The following CNTNAP5 variants were observed in gnomAD, a reference collection of about 807,000 sequenced individuals.
CNTNAP5 encodes contactin associated protein family member 5.
Under a neutral mutation model 150.2 loss-of-function variants are expected in CNTNAP5, and 72 were observed. That is an observed-to-expected ratio of 0.48 (90% CI 0.40 to 0.58). The LOEUF (loss-of-function observed/expected upper bound fraction) is 0.58, where lower values mean the gene tolerates loss of function less well. CNTNAP5 is among the 20% of genes least tolerant of loss of function. The pLI, the probability that CNTNAP5 is intolerant of heterozygous loss-of-function variation, is 0.00. For synonymous variants in CNTNAP5, 672 were observed against 619.8 expected, an observed-to-expected ratio of 1.08 and a Z score of -1.25; for missense variants, 1,636 against 1,626.2, an observed-to-expected ratio of 1.01 and a Z score of -0.10.
At chr2:124,601,281 G>A (rs1317864086) in intron 11 of CNTNAP5, among the ~76,000 whole-genome samples, 4 of 152,146 alleles carry the variant, frequency 2.6e-5, no homozygotes, top group Admixed American at 2.6e-4. Flanking sequence ...CCACAGCCAA[G>A]CATACATCCT....
chr2:124,860,403 C>T (rs2104714265), intron 19 of CNTNAP5, among the ~76,000 whole-genome samples: 1 of 151,252 alleles, frequency 6.6e-6, no homozygotes, highest in Non-Finnish European at 1.5e-5. Context: ...TTCCTCCCTG[C>T]CTCCCTCTCT....
At chr2:124,113,927 A>C (rs977916) in intron 1 of CNTNAP5, among the ~76,000 whole-genome samples, 64,953 of 150,444 alleles carry the variant, frequency 0.43, 14,169 homozygotes, top group East Asian at 0.55. Context: ...CTCTCTCTCT[A>C]TATATATATA....
intron 13 of CNTNAP5, among the ~76,000 whole-genome samples, chr2:124,684,480 C>A (rs988712515): frequency 6.6e-6 from 1 of 152,166 alleles, no homozygotes; most frequent in Non-Finnish European, 1.5e-5. Context: ...TATGGCCATC[C>A]TTTTCTCCCT....
intron 10 of CNTNAP5, among the ~76,000 whole-genome samples, chr2:124,546,364 A>ATG (rs144497613): frequency 0.41 from 61,982 of 150,498 alleles, 13,450 homozygotes; most frequent in East Asian, 0.63. Flanking sequence ...GGATTTCTCA[A>ATG]TGTGTGTGTG....
rs1553474675 is a variant in CNTNAP5, at chr2:124,510,309, A to ATATATCTATATATCTATATATATC, written c.1327+5756_1327+5757insATCTATATATCTATATATATCTAT. Among the ~76,000 whole-genome samples the ATATATCTATATATCTATATATATC allele has an allele frequency of 1.6e-4, 19 of 121,710 alleles. 2 individuals are homozygous for ATATATCTATATATCTATATATATC. The highest frequency in any genetic ancestry group is 2.5e-4 in the Non-Finnish European group (15 of 60,902). The allele number at this position is 121,710 out of a possible 152,430, so 79.8% of individuals were successfully genotyped here. The stretch of plus-strand genomic sequence containing the variant: ...TCTATATATCTATATATCTATATAT[A>ATATATCTATATATCTATATATATC]TATCTATATATCTATCTATATATAT... On this transcript the variant is annotated intron_variant, in intron 8 of 23. Coordinates refer to ENST00000682447, the MANE Select transcript of CNTNAP5 (RefSeq NM_001367498.1).
At position 124,211,914 on chromosome 2, in the gene CNTNAP5, A is replaced by G. The variant is rs531593641; in HGVS notation, c.83-9791A>G. ...GATCATGGTTTCCTGAGAAACGAGG[A>G]TTTTCAGTGTAATTTAGAAACACTC... is the stretch of plus-strand genomic sequence containing the variant. On this transcript the variant is annotated intron_variant, in intron 1 of 23. Transcript: ENST00000682447. Among the ~76,000 whole-genome samples, 97 of 152,326 alleles carry G rather than the reference A, an allele frequency of 6.4e-4. 1 individual carries two copies. In the South Asian group the frequency reaches 0.019, roughly 31 times the overall value.
At chr2:124,912,578 A>G (rs992394101) in intron 23 of CNTNAP5, among the ~76,000 whole-genome samples, 4 of 152,122 alleles carry the variant, frequency 2.6e-5, no homozygotes, top group African/African-American at 9.7e-5. Flanking sequence ...AAAACTTCTG[A>G]CCTGAATTTT....
chr2:124,546,991 TG>T (rs1695527004), intron 10 of CNTNAP5, among the ~76,000 whole-genome samples: 1 of 152,164 alleles, frequency 6.6e-6, no homozygotes, highest in East Asian at 1.9e-4. Flanking sequence ...TTATTTTATA[TG>T]TGTAAATATT....
chr2:124,509,686 A>G (rs1468936072), intron 8 of CNTNAP5, among the ~76,000 whole-genome samples: 1 of 152,288 alleles, frequency 6.6e-6, no homozygotes, highest in East Asian at 1.9e-4. Flanking sequence ...GCTGCTCTCC[A>G]TATTCATTGT....
intron 5 of CNTNAP5, 85 bp from the exon 6 acceptor site, chr2:124,446,668 T>C (rs1417389790): frequency 2.3e-6 from 3 of 1,322,636 alleles, no homozygotes; most frequent in Non-Finnish European, 3.2e-6. Context: ...AGAACAGATA[T>C]AGCTGCTTTT....
chr2:124,408,763 A>G lies in CNTNAP5; in HGVS notation c.382-8680A>G, dbSNP rs1167713345. 2.6e-5 allele frequency among the ~76,000 whole-genome samples: 4 copies of G among 151,636 alleles called. No individual in the cohort carries two copies. The East Asian group carries it at 7.8e-4, about 30-fold the overall frequency. On this transcript the variant is annotated intron_variant, in intron 3 of 23. Coordinates refer to ENST00000682447, the MANE Select transcript of CNTNAP5 (RefSeq NM_001367498.1). ...ATCACCATCATCAAAGACCAAAAGT[A>G]GATAAAACCACAAAGATGGGGAAAA...
chr2:124,132,098 C>T (rs1184528790), intron 1 of CNTNAP5, among the ~76,000 whole-genome samples: 1 of 152,134 alleles, frequency 6.6e-6, no homozygotes, highest in Non-Finnish European at 1.5e-5. Context: ...TCTGCTTTGG[C>T]AGGAAGAAAG....
At chr2:124,497,362 T>G (rs1346286108) in intron 7 of CNTNAP5, among the ~76,000 whole-genome samples, 1 of 152,216 alleles carries the variant, frequency 6.6e-6, no homozygotes, top group African/African-American at 2.4e-5. Flanking sequence ...GATGGTTCAC[T>G]TTAGCATAAC....
intron 17 of CNTNAP5, among the ~76,000 whole-genome samples, chr2:124,786,296 AAAAGAAAGAGAAAGAAGAAAGAAAGGAAG>A: frequency 6.7e-6 from 1 of 149,620 alleles, no homozygotes. Flanking sequence ...AGGAAGGAAG[AAAAGAAAGAGAAAGAAGAAAGAAAGGAAG>A]AAAGAAAGAG....
chr2:124,646,580 A>G (rs1030663934), intron 12 of CNTNAP5, among the ~76,000 whole-genome samples: 3 of 152,136 alleles, frequency 2.0e-5, no homozygotes, highest in Non-Finnish European at 2.9e-5. Flanking sequence ...AAGTCTTCCT[A>G]TTTCCTCTTT....
rs185777605 is a variant in CNTNAP5 at position 124,088,886 on chromosome 2, A to G, written c.82+63154A>G. ...TGCAGGTTCACCACTCGGCCTTTGC[A>G]TGAGTAAAGATAGAGCCACAATATT... On this transcript the variant is annotated intron_variant, in intron 1 of 23. Coordinates refer to ENST00000682447, the MANE Select transcript of CNTNAP5 (RefSeq NM_001367498.1). Among the ~76,000 whole-genome samples the G allele has an allele frequency of 2.0e-3, 299 of 152,334 alleles. 1 individual carries two copies. Among genetic ancestry groups the G allele is most frequent in the African/African-American group, 6.9e-3 (287 of 41,560 alleles).
chr2:124,857,515 AT>A (rs1426079432), intron 19 of CNTNAP5, among the ~76,000 whole-genome samples: 3 of 151,768 alleles, frequency 2.0e-5, no homozygotes, highest in Admixed American at 6.6e-5. Flanking sequence ...CACCCTTGGG[AT>A]TTTCAAGATA....
At chr2:124,559,239 T>C (rs1224835000) in intron 10 of CNTNAP5, among the ~76,000 whole-genome samples, 1 of 152,210 alleles carries the variant, frequency 6.6e-6, no homozygotes, top group Non-Finnish European at 1.5e-5. Context: ...TGGATAAACA[T>C]TATAAAGACT....
chr2:124,598,853 G>A (rs949372471), intron 11 of CNTNAP5, among the ~76,000 whole-genome samples: 2 of 152,132 alleles, frequency 1.3e-5, no homozygotes, highest in Non-Finnish European at 1.5e-5. Flanking sequence ...GTGGTGCGCC[G>A]TTTTTTAAGC....
Sources: gnomAD v4.1 joint callset for allele counts (sites outside exome capture counted in the v4.1 genomes callset) on GRCh38, gnomAD v4.1.1 for gene constraint, MANE v1.5 for transcripts, NCBI Gene and HGNC (gene_info 2026-07-23, HGNC 2026-07-21) for gene names.